NDE1: variants seen among roughly 807,000 people sequenced by gnomAD.
NDE1 encodes the protein nuclear distribution protein nudE homolog 1.
In NDE1, 28 loss-of-function variants were observed where a neutral mutation model predicts 43.4. The observed-to-expected ratio is 0.65, with a 90% CI of 0.48 to 0.89. NDE1 has a LOEUF of 0.89. Among genes scored for constraint, NDE1 ranks in the 40% least tolerant of loss-of-function variants. The probability of loss-of-function intolerance (pLI) is 0.00; values close to 1 mark genes in which losing one functional copy is unlikely to be tolerated. For synonymous variants in NDE1, 184 were observed against 172.0 expected, an observed-to-expected ratio of 1.07 and a Z score of -0.55; for missense variants, 441 against 434.1, an observed-to-expected ratio of 1.02 and a Z score of -0.14.
chr16:15,718,293 G>A (rs1167162536), intron 8 of NDE1: 3 of 1,607,318 alleles, frequency 1.9e-6, no homozygotes, highest in Non-Finnish European at 2.5e-6. Context: ...CAGCGTGACT[G>A]TGGTGTCCAG....
At chr16:15,714,654 C>G (rs982440763) in intron 8 of NDE1, 23 of 586,868 alleles carry the variant, frequency 3.9e-5, no homozygotes, top group Non-Finnish European at 7.0e-5. Flanking sequence ...CCTCCTCAGC[C>G]GGAGGACCGG....
At chr16:15,653,932 G>A (rs1410556129) in intron 1 of NDE1, among the ~76,000 whole-genome samples, 1 of 151,998 alleles carries the variant, frequency 6.6e-6, no homozygotes, top group Non-Finnish European at 1.5e-5. Flanking sequence ...GTTTCACCAT[G>A]TTGCCCAGGC....
At chr16:15,669,921 G>A (rs952395554) in intron 3 of NDE1, among the ~76,000 whole-genome samples, 7 of 152,332 alleles carry the variant, frequency 4.6e-5, no homozygotes, top group African/African-American at 1.7e-4. Flanking sequence ...GAGACCCAGT[G>A]CTCTGCAAGG....
chr16:15,719,846 T>C, intron 8 of NDE1: 1 of 1,322,176 alleles, frequency 7.6e-7, no homozygotes, highest in Admixed American at 1.8e-5. Flanking sequence ...TGCACGAGCA[T>C]GGCTCTCAGT....
intron 8 of NDE1, among the ~76,000 whole-genome samples, chr16:15,705,700 G>A (rs59525893): frequency 0.023 from 3,464 of 152,138 alleles, 140 homozygotes; most frequent in African/African-American, 0.079. Context: ...GGAACAACTC[G>A]GCTGGGCATG....
At chr16:15,686,039 C>G (rs541851900) in intron 4 of NDE1, among the ~76,000 whole-genome samples, 1 of 151,604 alleles carries the variant, frequency 6.6e-6, no homozygotes. Flanking sequence ...GCAACATTCA[C>G]CTTCTGGGTT....
chr16:15,676,330 C>T (rs2037880015), intron 3 of NDE1, among the ~76,000 whole-genome samples: 1 of 150,804 alleles, frequency 6.6e-6, no homozygotes, highest in African/African-American at 2.4e-5. Flanking sequence ...CCGCGTCAGC[C>T]TTCTGAGTAG....
intron 8 of NDE1, chr16:15,714,634 G>C (rs866583834): frequency 6.5e-5 from 37 of 570,178 alleles, no homozygotes; most frequent in Middle Eastern, 9.4e-4. Flanking sequence ...AGTGGGGATA[G>C]CCTCTTCCTC....
intron 8 of NDE1, chr16:15,713,198 G>C: frequency 6.6e-6 from 1 of 151,940 alleles, no homozygotes; most frequent in African/African-American, 2.4e-5. Flanking sequence ...AAGAGGGTCG[G>C]GTCCAATGGA....
At chr16:15,694,571 C>T in intron 7 of NDE1, 1 of 939,308 alleles carries the variant, frequency 1.1e-6, no homozygotes, top group Non-Finnish European at 1.3e-6. Context: ...TGGTCTTAAA[C>T]TCCTGGCCTC....
chr16:15,694,391 G>A, intron 7 of NDE1, 135 bp downstream of exon 7: 2 of 1,529,586 alleles, frequency 1.3e-6, no homozygotes, highest in South Asian at 2.4e-5. Context: ...TGTTGCTCAG[G>A]CTGGAGTGTA....
At chr16:15,663,625 TA>T (rs1257336896) in intron 1 of NDE1, among the ~76,000 whole-genome samples, 2 of 152,156 alleles carry the variant, frequency 1.3e-5, no homozygotes, top group African/African-American at 4.8e-5. Context: ...TTGAACTTCT[TA>T]AATATCCTGG....
chr16:15,674,810 C>T (rs2037783006), intron 3 of NDE1, among the ~76,000 whole-genome samples: 1 of 152,070 alleles, frequency 6.6e-6, no homozygotes, highest in South Asian at 2.1e-4. Context: ...CTCCCAGGCT[C>T]AAATGGTGTT....
intron 8 of NDE1, among the ~76,000 whole-genome samples, chr16:15,715,805 C>G (rs760365179): frequency 1.3e-5 from 2 of 152,118 alleles, no homozygotes; most frequent in Non-Finnish European, 2.9e-5. Flanking sequence ...CACCAGCATG[C>G]TCAGACTTTT....
chr16:15,676,005 A>G (rs2037850998), intron 3 of NDE1, among the ~76,000 whole-genome samples: 1 of 152,068 alleles, frequency 6.6e-6, no homozygotes, highest in East Asian at 1.9e-4. Flanking sequence ...GGCACAGAAT[A>G]AGTATGTAAT....
At chr16:15,651,435 T>TG (rs910242600) in intron 1 of NDE1, 18 of 149,140 alleles carry the variant, frequency 1.2e-4, no homozygotes, top group African/African-American at 3.8e-4. Context: ...AACCCGTTTT[T>TG]TTTTTTTTTT....
chr16:15,662,280 C>CTTTTTTTTTTT (rs774915905), intron 1 of NDE1, among the ~76,000 whole-genome samples: 5 of 124,956 alleles, frequency 4.0e-5, no homozygotes, highest in Non-Finnish European at 8.6e-5. Flanking sequence ...TTTCTCTTTT[C>CTTTTTTTTTTT]TTTTTTTTTT....
At chr16:15,687,299 G>A (rs780552026) in intron 4 of NDE1, 76 bp from the exon 5 acceptor site, 8 of 1,609,508 alleles carry the variant, frequency 5.0e-6, no homozygotes, top group East Asian at 4.5e-5. Context: ...CTGACCCTTC[G>A]CACCTCCTGG....
chr16:15,646,056 T>C (rs904375713), upstream of NDE1, among the ~76,000 whole-genome samples: 5 of 152,256 alleles, frequency 3.3e-5, no homozygotes, highest in African/African-American at 9.6e-5. Flanking sequence ...GACAAACCTA[T>C]TTCCCTAAAT....
Sources: gnomAD v4.1 joint callset for allele counts (sites outside exome capture counted in the v4.1 genomes callset) on GRCh38, gnomAD v4.1.1 for gene constraint, MANE v1.5 for transcripts, NCBI Gene and HGNC (gene_info 2026-07-23, HGNC 2026-07-21) for gene names.